Variants in FAM135B observed in about 807,000 individuals in gnomAD.
FAM135B encodes protein FAM135B.
A neutral mutation model predicts 127.7 loss-of-function variants in FAM135B; 43 were observed. That is an observed-to-expected ratio of 0.34 (90% CI 0.26 to 0.43). The LOEUF is 0.43. FAM135B is among the 20% of genes least tolerant of loss of function. The probability of loss-of-function intolerance (pLI) is 1.00; values close to 1 mark genes in which losing one functional copy is unlikely to be tolerated. For missense variants in FAM135B, 1,558 were observed against 1,725.6 expected (o/e 0.90, Z 1.72); for synonymous variants, 670 against 665.1 (o/e 1.01, Z -0.11).
chr8:138,426,720 A>G (rs1183700017), intron 1 of FAM135B, among the ~76,000 whole-genome samples: 1 of 151,958 alleles, frequency 6.6e-6, no homozygotes, highest in Non-Finnish European at 1.5e-5. Flanking sequence ...GGATTAAGAT[A>G]TTATTATTCT....
At chr8:138,236,772 C>A (rs919243268) in intron 7 of FAM135B, among the ~76,000 whole-genome samples, 8 of 152,192 alleles carry the variant, frequency 5.3e-5, no homozygotes, top group South Asian at 2.1e-4. Context: ...GCTTTTCACA[C>A]TATGGTGAAA....
chr8:138,361,747 G>T (rs1224519597), intron 2 of FAM135B, among the ~76,000 whole-genome samples: 1 of 151,938 alleles, frequency 6.6e-6, no homozygotes, highest in Non-Finnish European at 1.5e-5. Context: ...GTCATCTTTG[G>T]TCTTTCAGGT....
intron 15 of FAM135B, among the ~76,000 whole-genome samples, chr8:138,144,139 G>A (rs1321394827): frequency 6.6e-6 from 1 of 152,204 alleles, no homozygotes; most frequent in Non-Finnish European, 1.5e-5. Flanking sequence ...AGGTAAAATA[G>A]GCCAGGCGCA....
chr8:138,241,777 G>A lies in FAM135B; in HGVS notation c.669+1165C>T, dbSNP rs1820795283. On this transcript the variant is annotated intron_variant, in intron 7 of 19. Coordinates refer to ENST00000395297, the MANE Select transcript of FAM135B (RefSeq NM_015912.4). This position sits in a 1 kb window ranked among gnomAD's most constrained non-coding sequence, Gnocchi z 4.8. ...ACGTGTCATCTTACTTGGGCCACAA[G>A]GTGCCCAGACGTTTGGTTGAACATT... is the stretch of plus-strand genomic sequence containing the variant. 6.6e-6 allele frequency among the ~76,000 whole-genome samples: 1 copy of A among 152,158 alleles called. No individual in the cohort carries two copies. Among genetic ancestry groups the A allele is most frequent in the South Asian group, 2.1e-4 (1 of 4,824 alleles).
intron 1 of FAM135B, among the ~76,000 whole-genome samples, chr8:138,451,924 A>T (rs1836507442): frequency 6.6e-6 from 1 of 152,174 alleles, no homozygotes; most frequent in Non-Finnish European, 1.5e-5. Flanking sequence ...ATATTAGAAA[A>T]ATGATGGCTG....
intron 1 of FAM135B, among the ~76,000 whole-genome samples, chr8:138,453,357 C>T (rs1836599223): frequency 6.7e-6 from 1 of 150,016 alleles, no homozygotes. Context: ...ATTATTTATA[C>T]AAGAATATTT....
rs1397508536 is a variant in FAM135B at position 138,265,664 on chromosome 8, G to A, written c.297+39C>T. 5 of 1,610,428 alleles carry A rather than the reference G, an allele frequency of 3.1e-6. No individual in the cohort carries two copies. The Admixed American group carries it at 5.0e-5, about 16-fold the overall frequency. ...AATGAGAGAGAACAGCCATGATAGGGAACAGCTACTTGTGGCTGGTGGTAG... is the reference window on the plus strand; with the variant it reads ...AATGAGAGAGAACAGCCATGATAGGAAACAGCTACTTGTGGCTGGTGGTAG... On this transcript the variant is annotated intron_variant, in intron 4 of 19. Coordinates refer to ENST00000395297, the MANE Select transcript of FAM135B (RefSeq NM_015912.4).
intron 3 of FAM135B, among the ~76,000 whole-genome samples, chr8:138,286,595 C>T (rs140120127): frequency 6.6e-6 from 1 of 152,316 alleles, no homozygotes; most frequent in East Asian, 1.9e-4. Context: ...AAGGCTAATG[C>T]ATCAGGATAT....
chr8:138,135,291 C>A (rs1178829918), intron 19 of FAM135B, among the ~76,000 whole-genome samples: 1 of 152,114 alleles, frequency 6.6e-6, no homozygotes, highest in African/African-American at 2.4e-5. Flanking sequence ...ATTAGCAAAT[C>A]CCTGCACAAA....
At chr8:138,483,182 C>T (rs1814855331) in intron 1 of FAM135B, among the ~76,000 whole-genome samples, 1 of 152,140 alleles carries the variant, frequency 6.6e-6, no homozygotes, top group African/African-American at 2.4e-5. Context: ...TGCTATGGGT[C>T]ACATTTCTAA....
At chr8:138,137,307 C>T (rs748499407) in intron 18 of FAM135B, 47 bp from the exon 19 acceptor site, 9 of 999,608 alleles carry the variant, frequency 9.0e-6, no homozygotes, top group Non-Finnish European at 1.4e-5. Flanking sequence ...GTAGTTTCAA[C>T]TTCAACACCC....
intron 1 of FAM135B, among the ~76,000 whole-genome samples, chr8:138,414,119 C>CATATATATATATATATATATATAT (rs60918986): frequency 0.034 from 4,182 of 123,310 alleles, 166 homozygotes; most frequent in Non-Finnish European, 0.043. Flanking sequence ...CACACAAATA[C>CATATATATATATATATATATATAT]ATATATATAT....
At chr8:138,462,327 C>T (rs1837173433) in intron 1 of FAM135B, among the ~76,000 whole-genome samples, 1 of 152,150 alleles carries the variant, frequency 6.6e-6, no homozygotes, top group African/African-American at 2.4e-5. Flanking sequence ...CGTAACTGTG[C>T]AGAATACTTT....
chr8:138,424,804 G>A (rs1361196060), intron 1 of FAM135B, among the ~76,000 whole-genome samples: 2 of 152,180 alleles, frequency 1.3e-5, no homozygotes, highest in East Asian at 3.8e-4. Flanking sequence ...ATAACACTAT[G>A]AGGAGTAGGG....
At chr8:138,433,557 AT>A (rs1266234979) in intron 1 of FAM135B, among the ~76,000 whole-genome samples, 4 of 150,512 alleles carry the variant, frequency 2.7e-5, no homozygotes, top group Admixed American at 1.3e-4. Context: ...AAATAAATAA[AT>A]AAATAAATAA....
At chr8:138,388,168 GA>G (rs1020109242) in intron 1 of FAM135B, among the ~76,000 whole-genome samples, 1 of 152,060 alleles carries the variant, frequency 6.6e-6, no homozygotes, top group African/African-American at 2.4e-5. Flanking sequence ...ACATCACCAG[GA>G]AAATGCAAAA....
In FAM135B at chr8:138,344,629, G is replaced by A. The variant is rs1382704911; in HGVS notation, c.77+23278C>T. Among the ~76,000 whole-genome samples, 5 of 146,244 alleles carry A rather than the reference G, an allele frequency of 3.4e-5. No individual in the cohort carries two copies. The East Asian group carries it at 1.0e-3, about 30-fold the overall frequency. ...CTCGCTCTGTCGCCCAGGCTGGAGT[G>A]CAGTGGCGCGATCTCAGCTCACTGC... On this transcript the variant is annotated intron_variant, in intron 2 of 19. Coordinates refer to ENST00000395297, the MANE Select transcript of FAM135B (RefSeq NM_015912.4).
chr8:138,388,004 A>C (rs190794724), intron 1 of FAM135B, among the ~76,000 whole-genome samples: 33 of 152,280 alleles, frequency 2.2e-4, no homozygotes, highest in African/African-American at 6.7e-4. Flanking sequence ...AGGTACATGA[A>C]AAGAGGCTCA....
At chr8:138,216,399 A>G (rs7001598) in intron 7 of FAM135B, among the ~76,000 whole-genome samples, 100,110 of 151,962 alleles carry the variant, frequency 0.66, 33,313 homozygotes, top group South Asian at 0.75. Flanking sequence ...AGGTTATAGC[A>G]TGAAGGCAGA....
Sources: allele counts gnomAD v4.1 joint callset (sites outside exome capture counted in the v4.1 genomes callset), GRCh38; gene constraint gnomAD v4.1.1; non-coding constraint Gnocchi (gnomAD v3.1); transcripts MANE v1.5; gene names NCBI Gene and HGNC (gene_info 2026-07-23, HGNC 2026-07-21).